The following SRRT variants were observed in gnomAD, a reference collection of about 807,000 sequenced individuals.
The protein encoded by SRRT is serrate RNA effector molecule homolog.
A neutral mutation model predicts 103.2 loss-of-function variants in SRRT; 32 were observed. The observed-to-expected ratio is 0.31, with a 90% CI of 0.23 to 0.42. The LOEUF (loss-of-function observed/expected upper bound fraction) is 0.42. Among genes scored for constraint, SRRT ranks in the 10% least tolerant of loss-of-function variants. The probability of loss-of-function intolerance (pLI) is 1.00; values close to 1 mark genes in which losing one functional copy is unlikely to be tolerated. For missense variants in SRRT, 986 were observed against 1,207.5 expected (o/e 0.82, Z 2.72); for synonymous variants, 525 against 449.0 (o/e 1.17, Z -2.14).
rs781418289 is a variant in SRRT, at chr7:100,887,866, T to C, written c.2326+7T>C. The C allele has an allele frequency of 3.8e-6, 6 of 1,597,312 alleles. No homozygotes were observed. In the South Asian group the frequency reaches 6.6e-5, roughly 18 times the overall value. On this transcript the variant is annotated splice_region_variant and intron_variant, in intron 17 of 19. Coordinates refer to ENST00000611405, the MANE Select transcript of SRRT (RefSeq NM_015908.6). This position sits in a 1 kb window ranked among gnomAD's most constrained non-coding sequence, Gnocchi z 4.1. The stretch of plus-strand genomic sequence containing the variant: ...CCACCTGGCCCCGCCCAGAGTAAGA[T>C]ACGATCCATGAAGGTCGCATGTGCC...
chr7:100,883,405 G>A (rs551437204), intron 5 of SRRT, among the ~76,000 whole-genome samples: 9 of 152,076 alleles, frequency 5.9e-5, no homozygotes, highest in African/African-American at 2.2e-4. Context: ...TTCCCTCTGA[G>A]GTCCTATTTG....
Position 100,887,812 on chromosome 7 carries a change from C to T in SRRT, c.2279C>T (p.Pro760Leu). ...FNNFLTDAKR[P>L]ALPEIKPAQP... ...AACTTCCTCACTGATGCTAAGCGCC[C>T]AGCTCTGCCTGAGATCAAGCCAGCC... The change falls in exon 17 of 20, where the codon CCA becomes CTA. Residue 760 changes from proline (P) to leucine (L), a missense_variant. Around this residue, in one of 6 missense-constraint regions of SRRT, gnomAD observed 178 missense variants for 189.6 expected, o/e 0.94. Coordinates refer to ENST00000611405, the MANE Select transcript of SRRT (RefSeq NM_015908.6). This position sits in a 1 kb window ranked among gnomAD's most constrained non-coding sequence, Gnocchi z 4.1. 6.2e-7 allele frequency: 1 copy of T among 1,612,742 alleles called. No homozygotes were observed. The highest frequency in any genetic ancestry group is 2.2e-5 in the East Asian group (1 of 44,834).
intron 8 of SRRT, 24 bp downstream of exon 8, chr7:100,884,862 C>CA: frequency 6.2e-7 from 1 of 1,613,590 alleles, no homozygotes; most frequent in South Asian, 1.1e-5. Context: ...GGCCTGGGGT[C>CA]AGAGTGTTGG....
chr7:100,879,076 C>T (rs1256393407), intron 2 of SRRT, among the ~76,000 whole-genome samples: 1 of 152,118 alleles, frequency 6.6e-6, no homozygotes, highest in South Asian at 2.1e-4. Flanking sequence ...CCACCTCAGC[C>T]TCCCGAGTAG....
Position 100,887,640 on chromosome 7 carries a change from T to G in SRRT, c.2170-63T>G, listed in dbSNP as rs963106225. 5.7e-6 allele frequency: 9 copies of G among 1,580,626 alleles called. No individual in the cohort carries two copies. In the East Asian group the frequency reaches 1.8e-4, roughly 32 times the overall value. Reference sequence around the variant, plus strand: ...GGCGGGAGCTGGGAATCCTTCCAGCTCGGGCCTGGGAGCGAGGCAACCCTT... The same window carrying G: ...GGCGGGAGCTGGGAATCCTTCCAGCGCGGGCCTGGGAGCGAGGCAACCCTT... On this transcript the variant is annotated intron_variant, in intron 16 of 19. Transcript: ENST00000611405. The surrounding 1 kb of genome is among the most constrained non-coding windows in gnomAD (Gnocchi z 4.1).
At position 100,887,916 on chromosome 7, in the gene SRRT, C is replaced by A. The variant is rs988745407; in HGVS notation, c.2326+57C>A. On this transcript the variant is annotated intron_variant, in intron 17 of 19. Transcript: ENST00000611405. The surrounding 1 kb of genome is among the most constrained non-coding windows in gnomAD (Gnocchi z 4.1). ...CCTCTTCCTTGACTACCCAGGGACT[C>A]CTGTTTCTCTTTAACGTGTCACCCC... 1.3e-6 allele frequency: 2 copies of A among 1,565,580 alleles called. No individual in the cohort carries two copies. Among genetic ancestry groups the A allele is most frequent in the East Asian group, 4.5e-5 (2 of 44,054 alleles).
chr7:100,883,807 C>G (rs1789804250), intron 5 of SRRT, among the ~76,000 whole-genome samples: 1 of 152,214 alleles, frequency 6.6e-6, no homozygotes, highest in Non-Finnish European at 1.5e-5. Context: ...ACCCTGGCGT[C>G]CCCCTGTAGT....
At chr7:100,875,434 G>A (rs1352502015) in intron 1 of SRRT, 106 bp downstream of exon 1, 4 of 1,470,050 alleles carry the variant, frequency 2.7e-6, no homozygotes, top group African/African-American at 1.4e-5. Flanking sequence ...TGTTGGAGCC[G>A]CGTTCTCAGG....
chr7:100,888,532 G>A lies in SRRT; in HGVS notation c.2614G>A (p.Asp872Asn), dbSNP rs768601571. 1.2e-6 allele frequency: 2 copies of A among 1,614,174 alleles called. No homozygotes were observed. Among genetic ancestry groups the A allele is most frequent in the Non-Finnish European group, 1.7e-6 (2 of 1,180,032 alleles). ...VEYRDLDAPD[D>N]VDFF ...ATATCGGGACCTGGATGCCCCAGAC[G>A]ATGTTGATTTCTTTTGAGCCGTCCC... Residue 872 changes from aspartate (D) to asparagine (N), a missense_variant, in exon 20 of 20, where the codon GAT (aspartate) becomes AAT (asparagine). By Grantham distance (23) the Asp-to-Asn change is conservative (BLOSUM62 1). Transcript: ENST00000611405.
intron 2 of SRRT, among the ~76,000 whole-genome samples, chr7:100,876,668 T>C (rs12667888): frequency 0.13 from 20,289 of 152,202 alleles, 1,705 homozygotes; most frequent in Middle Eastern, 0.2. Flanking sequence ...TTATAAGATG[T>C]GGTTATTGAC....
At chr7:100,877,483 T>G (rs1166527841) in intron 2 of SRRT, among the ~76,000 whole-genome samples, 1 of 150,488 alleles carries the variant, frequency 6.6e-6, no homozygotes, top group Non-Finnish European at 1.5e-5. Context: ...GTAAAACATT[T>G]AAATTTGATT....
At chr7:100,884,609 T>G (rs1584750047) in intron 7 of SRRT, 57 bp downstream of exon 7, 95 of 443,134 alleles carry the variant, frequency 2.1e-4, no homozygotes, top group Non-Finnish European at 3.4e-4. Context: ...GGGGGGCGGG[T>G]AGGGGTCCAT....
rs756753215 is a variant in SRRT at position 100,884,278 on chromosome 7, A to G, written c.757+39A>G. 39 of 1,613,388 alleles carry G rather than the reference A, an allele frequency of 2.4e-5. No homozygotes were observed. The South Asian group carries it at 2.6e-4, about 11-fold the overall frequency. ...GAGGGGTGGCAGGCATCTGGGCCCCATGGGGGTGGGGGTGTCTGGGGATCA... is the reference window on the plus strand; with the variant it reads ...GAGGGGTGGCAGGCATCTGGGCCCCGTGGGGGTGGGGGTGTCTGGGGATCA... On this transcript the variant is annotated intron_variant, in intron 6 of 19. Coordinates refer to ENST00000611405, the MANE Select transcript of SRRT (RefSeq NM_015908.6).
At position 100,880,738 on chromosome 7, in the gene SRRT, C is replaced by T. The variant is rs141806934; in HGVS notation, c.123-547C>T. The T allele has an allele frequency of 2.6e-4, 111 of 431,288 alleles. No homozygotes were observed. In the East Asian group the frequency reaches 8.3e-3, roughly 32 times the overall value. The allele number at this position is 431,288 out of a possible 1,614,324, so 26.7% of individuals were successfully genotyped here. A position where few individuals can be genotyped will look rare whatever the true frequency, so the allele number is the denominator to read the frequency against. ...GTCACCCGGGCTGAGTGCACTGGTGCAGTCGAAGCTTGCTGCAGCCGCGAC... is the reference window on the plus strand; with the variant it reads ...GTCACCCGGGCTGAGTGCACTGGTGTAGTCGAAGCTTGCTGCAGCCGCGAC... On this transcript the variant is annotated intron_variant, in intron 2 of 19. Transcript: ENST00000611405.
Position 100,887,693 on chromosome 7 carries a change from C to T in SRRT, c.2170-10C>T. On this transcript the variant is annotated splice_polypyrimidine_tract_variant and intron_variant, in intron 16 of 19. Coordinates refer to ENST00000611405, the MANE Select transcript of SRRT (RefSeq NM_015908.6). This position sits in a 1 kb window ranked among gnomAD's most constrained non-coding sequence, Gnocchi z 4.1. Reference sequence around the variant, plus strand: ...GTGGCTGTCCTGACCCCTCTCCTCTCTCCACCCAGGGTCCTGAGTTTGTGC... The same window carrying T: ...GTGGCTGTCCTGACCCCTCTCCTCTTTCCACCCAGGGTCCTGAGTTTGTGC... 6 of 1,602,462 alleles carry T rather than the reference C, an allele frequency of 3.7e-6. No homozygotes were observed. Among genetic ancestry groups the T allele is most frequent in the Non-Finnish European group, 4.3e-6 (5 of 1,170,226 alleles).
rs1404801244 is a variant in SRRT, at chr7:100,881,426, G to A, written c.251+13G>A. 22 of 1,607,290 alleles carry A rather than the reference G, an allele frequency of 1.4e-5. No individual in the cohort carries two copies. The highest frequency in any genetic ancestry group is 2.2e-5 in the South Asian group (2 of 90,972). ...TGAGGAGAGACTGGTGAGATGGAGC[G>A]GTTTCCCTCTCCTCCCCTTTGCCTC... On this transcript the variant is annotated intron_variant, in intron 3 of 19. Transcript: ENST00000611405.
chr7:100,881,495 A>T, intron 3 of SRRT, 82 bp downstream of exon 3: 1 of 1,572,620 alleles, frequency 6.4e-7, no homozygotes, highest in Non-Finnish European at 8.6e-7. Context: ...CTGTGCCTAA[A>T]TCTTTGTCAT....
intron 2 of SRRT, among the ~76,000 whole-genome samples, chr7:100,880,172 A>G (rs931010450): frequency 3.9e-5 from 6 of 152,234 alleles, no homozygotes; most frequent in Non-Finnish European, 8.8e-5. Flanking sequence ...TAGCAGGAGC[A>G]GTAATTAGCG....
In SRRT at chr7:100,885,781, T is replaced by C; in HGVS notation, c.1379+19T>C. The C allele has an allele frequency of 6.2e-7, 1 of 1,614,112 alleles. No individual in the cohort carries two copies. The highest frequency in any genetic ancestry group is 8.5e-7 in the Non-Finnish European group (1 of 1,179,976). ...AGAGGAGGTGAGTAACTCGGTGCGT[T>C]GGAGGGAAAAGTGCAGGGGAACGTT... On this transcript the variant is annotated intron_variant, in intron 11 of 19. Transcript: ENST00000611405. This position sits in a 1 kb window ranked among gnomAD's most constrained non-coding sequence, Gnocchi z 4.8.
Sources: allele counts gnomAD v4.1 joint callset (sites outside exome capture counted in the v4.1 genomes callset), GRCh38; gene constraint gnomAD v4.1.1; regional missense constraint gnomAD v4.1.1; non-coding constraint Gnocchi (gnomAD v3.1); transcripts MANE v1.5; gene names NCBI Gene and HGNC (gene_info 2026-07-23, HGNC 2026-07-21).